EAPP: variants seen among roughly 807,000 people sequenced by gnomAD.
EAPP encodes the protein E2F associated phosphoprotein.
A neutral mutation model predicts 34.3 loss-of-function variants in EAPP; 38 were observed. The observed-to-expected ratio is 1.11, with a 90% CI of 0.85 to 1.45. The LOEUF (loss-of-function observed/expected upper bound fraction) is 1.45. Among genes scored for constraint, EAPP ranks in the 40% most tolerant of loss-of-function variants. EAPP has a pLI of 0.00. For missense variants in EAPP, 338 were observed against 343.7 expected (o/e 0.98, Z 0.13); for synonymous variants, 113 against 117.6 (o/e 0.96, Z 0.25).
rs369451332 is a variant in EAPP at position 34,536,264 on chromosome 14, T to G, written c.86A>C (p.Glu29Ala). ...EEPALSSSED[E>A]VDVLLHGTPD... ...AGTTCCATGTAAAAGCACATCCACTTCATCCTCAGAGCTAGCATACATTTA... is the reference window on the plus strand; with the variant it reads ...AGTTCCATGTAAAAGCACATCCACTGCATCCTCAGAGCTAGCATACATTTA... Residue 29 changes from glutamate (E) to alanine (A), a missense_variant, in exon 2 of 6, where the codon GAA (glutamate) becomes GCA (alanine). By Grantham distance (107) the Glu-to-Ala change is moderately radical (BLOSUM62 -1). Coordinates refer to ENST00000250454, the MANE Select transcript of EAPP (RefSeq NM_018453.4). The G allele has an allele frequency of 1.2e-6, 2 of 1,607,292 alleles. No individual in the cohort carries two copies. The highest frequency in any genetic ancestry group is 1.7e-5 in the Admixed American group (1 of 58,392).
intron 4 of EAPP, among the ~76,000 whole-genome samples, chr14:34,528,836 A>C (rs1258743346): frequency 6.6e-6 from 1 of 152,054 alleles, no homozygotes; most frequent in Non-Finnish European, 1.5e-5. Flanking sequence ...TTTAAAAAAA[A>C]ACAAAAAAAC....
chr14:34,530,904 C>CAAAA (rs780101001), intron 3 of EAPP, among the ~76,000 whole-genome samples: 645 of 53,330 alleles, frequency 0.012, no homozygotes, highest in East Asian at 0.019. Context: ...CAATCTTTAC[C>CAAAA]AAAAAAAAAA....
At chr14:34,521,964 T>G (rs1816548338) in intron 5 of EAPP, among the ~76,000 whole-genome samples, 1 of 151,976 alleles carries the variant, frequency 6.6e-6, no homozygotes, top group Non-Finnish European at 1.5e-5. Context: ...TATTTTATTT[T>G]GTTCTTCTTT....
At chr14:34,537,491 G>A (rs1880515904) in intron 1 of EAPP, among the ~76,000 whole-genome samples, 1 of 152,082 alleles carries the variant, frequency 6.6e-6, no homozygotes. Context: ...ATACATCATG[G>A]ACCCTAGATA....
Position 34,539,635 on chromosome 14 carries a change from C to T in EAPP, c.-7G>A. 1.9e-6 allele frequency: 3 copies of T among 1,562,220 alleles called. No homozygotes were observed. Among genetic ancestry groups the T allele is most frequent in the South Asian group, 2.3e-5 (2 of 85,606 alleles). On this transcript the variant is annotated 5_prime_UTR_variant, in exon 1 of 6. Coordinates refer to ENST00000250454, the MANE Select transcript of EAPP (RefSeq NM_018453.4). Reference sequence around the variant, plus strand: ...CATCCGGAAGCCGGTTCATGGTGGCCTGCAGCGGCCTACACCGTCCACAAG... The same window carrying T: ...CATCCGGAAGCCGGTTCATGGTGGCTTGCAGCGGCCTACACCGTCCACAAG...
intron 5 of EAPP, among the ~76,000 whole-genome samples, chr14:34,521,171 C>A (rs943825749): frequency 2.6e-5 from 4 of 152,048 alleles, no homozygotes; most frequent in Admixed American, 6.6e-5. Flanking sequence ...TGGGTACAAG[C>A]GATTCTCCTG....
chr14:34,529,237 TTTTG>T (rs1370336176), intron 4 of EAPP, 117 bp downstream of exon 4: 7 of 718,168 alleles, frequency 9.7e-6, no homozygotes, highest in East Asian at 6.1e-5. Flanking sequence ...CCTCTAACTT[TTTTG>T]TTTGTGTGTG....
chr14:34,516,337 A>T lies in EAPP; in HGVS notation c.831T>A (p.Phe277Leu). The T allele has an allele frequency of 6.2e-7, 1 of 1,612,684 alleles. No homozygotes were observed. Among genetic ancestry groups the T allele is most frequent in the Non-Finnish European group, 8.5e-7 (1 of 1,179,148 alleles). ...AGGAATGGCTTGCTAAAACATTGAA[A>T]AAATGAAAGACTTCATCCTTGTCGT... ...AVYDKDEVFH[F>L]FNVLASHS The change falls in exon 6 of 6, where the codon TTT becomes TTA. Residue 277 changes from phenylalanine to leucine, a missense_variant. Physicochemically the swap from Phe to Leu is conservative, Grantham distance 22 (BLOSUM62 0). Transcript: ENST00000250454.
intron 1 of EAPP, among the ~76,000 whole-genome samples, chr14:34,537,729 C>T (rs929902512): frequency 5.3e-5 from 8 of 152,234 alleles, no homozygotes; most frequent in African/African-American, 1.9e-4. Flanking sequence ...TCTTCTAGGA[C>T]CCTCAGCGTA....
At chr14:34,532,806 C>T (rs188369279) in intron 3 of EAPP, among the ~76,000 whole-genome samples, 98 of 151,626 alleles carry the variant, frequency 6.5e-4, no homozygotes, top group South Asian at 2.3e-3. Flanking sequence ...TCCTGAGTAG[C>T]CGGGATTACA....
intron 1 of EAPP, among the ~76,000 whole-genome samples, chr14:34,537,534 T>G (rs751066906): frequency 6.6e-6 from 1 of 152,340 alleles, no homozygotes; most frequent in Non-Finnish European, 1.5e-5. Context: ...TGCAAGGTTC[T>G]GACCACTGTT....
chr14:34,538,424 C>T (rs1880547494), intron 1 of EAPP, among the ~76,000 whole-genome samples: 1 of 152,092 alleles, frequency 6.6e-6, no homozygotes, highest in Admixed American at 6.6e-5. Flanking sequence ...TACATATATA[C>T]ATACCTCCTT....
intron 5 of EAPP, among the ~76,000 whole-genome samples, chr14:34,521,663 C>A (rs1420859336): frequency 7.4e-6 from 1 of 135,966 alleles, no homozygotes; most frequent in Non-Finnish European, 1.5e-5. Flanking sequence ...TAGATGGAGT[C>A]TCGCTCCATT....
intron 2 of EAPP, among the ~76,000 whole-genome samples, chr14:34,535,106 G>A (rs1044891042): frequency 6.7e-6 from 1 of 149,480 alleles, no homozygotes; most frequent in Non-Finnish European, 1.5e-5. Flanking sequence ...AAAGTGCTGG[G>A]ATTACAAGCA....
In EAPP at chr14:34,516,455, T is replaced by G. The variant is rs764507994; in HGVS notation, c.713A>C (p.Asn238Thr). Reference sequence around the variant, plus strand: ...TGCCTTCTCGGCAGCATCTTCCCGGTTAGACCTCATCTTCTTATGGACCCG... The same window carrying G: ...TGCCTTCTCGGCAGCATCTTCCCGGGTAGACCTCATCTTCTTATGGACCCG... ...KRRVHKKMRS[N>T]REDAAEKAET... is the part of the protein sequence containing the mutation. The change falls in exon 6 of 6, where the codon AAC becomes ACC. Residue 238 changes from asparagine to threonine, a missense_variant. Asn to Thr is a moderately conservative substitution (Grantham distance 65). Coordinates refer to ENST00000250454, the MANE Select transcript of EAPP (RefSeq NM_018453.4). 1 of 1,614,224 alleles carries G rather than the reference T, an allele frequency of 6.2e-7. No homozygotes were observed. The highest frequency in any genetic ancestry group is 2.2e-5 in the East Asian group (1 of 44,890).
At chr14:34,517,621 CT>C (rs1879781836) in intron 5 of EAPP, among the ~76,000 whole-genome samples, 1 of 151,892 alleles carries the variant, frequency 6.6e-6, no homozygotes, top group Admixed American at 6.6e-5. Flanking sequence ...GGCCTTCTCT[CT>C]TTTTTTCTAA....
chr14:34,537,332 A>G (rs551199954), intron 1 of EAPP, among the ~76,000 whole-genome samples: 1 of 152,292 alleles, frequency 6.6e-6, no homozygotes, highest in African/African-American at 2.4e-5. Flanking sequence ...TTATAACTGA[A>G]TGTGAATCTA....
At chr14:34,519,462 G>A (rs1879841813) in intron 5 of EAPP, among the ~76,000 whole-genome samples, 1 of 151,820 alleles carries the variant, frequency 6.6e-6, no homozygotes, top group African/African-American at 2.4e-5. Flanking sequence ...GTGAACCTGG[G>A]TGGTGGAGGT....
At chr14:34,535,350 G>A (rs746994453) in intron 2 of EAPP, among the ~76,000 whole-genome samples, 3 of 149,024 alleles carry the variant, frequency 2.0e-5, no homozygotes, top group East Asian at 2.0e-4. Flanking sequence ...GACTGGTCTC[G>A]AACTCCTGAC....
Sources: allele counts gnomAD v4.1 joint callset (sites outside exome capture counted in the v4.1 genomes callset), GRCh38; gene constraint gnomAD v4.1.1; transcripts MANE v1.5; gene names NCBI Gene and HGNC (gene_info 2026-07-23, HGNC 2026-07-21).